ISY1: variants seen among roughly 807,000 people sequenced by gnomAD.
ISY1 encodes pre-mRNA-splicing factor ISY1 homolog.
ISY1 carries 12 observed loss-of-function variants against 54.4 expected under a neutral mutation model. The observed-to-expected ratio is 0.22, with a 90% CI of 0.14 to 0.36. ISY1 has a LOEUF of 0.36. ISY1 is among the 10% of genes least tolerant of loss of function. The pLI is 1.00. For missense variants in ISY1, 282 were observed against 342.2 expected, an observed-to-expected ratio of 0.82 and a Z score of 1.39; for synonymous variants, 96 against 117.9, an observed-to-expected ratio of 0.81 and a Z score of 1.20.
At chr3:129,145,367 C>T (rs1294921870) in intron 6 of ISY1, among the ~76,000 whole-genome samples, 2 of 152,084 alleles carry the variant, frequency 1.3e-5, no homozygotes, top group African/African-American at 4.8e-5. Flanking sequence ...GGATTACAGG[C>T]GTGCACCACC....
At chr3:129,158,734 T>C (rs1937217213) in intron 2 of ISY1, among the ~76,000 whole-genome samples, 175 bp from the exon 3 acceptor site, 1 of 152,098 alleles carries the variant, frequency 6.6e-6, no homozygotes. Context: ...TTCTCAGGAG[T>C]AGGAATTATG....
At chr3:129,146,531 G>GAGGT (rs1353286245) in intron 5 of ISY1, among the ~76,000 whole-genome samples, 1 of 152,116 alleles carries the variant, frequency 6.6e-6, no homozygotes, top group Non-Finnish European at 1.5e-5. Flanking sequence ...AGGCCTTCAT[G>GAGGT]AGGTAATGCT....
At chr3:129,132,738 G>T (rs551199775) in intron 9 of ISY1, among the ~76,000 whole-genome samples, 1 of 152,188 alleles carries the variant, frequency 6.6e-6, no homozygotes, top group African/African-American at 2.4e-5. Flanking sequence ...AATGCGGCTG[G>T]CTCACAGGAG....
At chr3:129,160,120 G>C (rs976472152) in intron 1 of ISY1, among the ~76,000 whole-genome samples, 3 of 151,892 alleles carry the variant, frequency 2.0e-5, no homozygotes, top group African/African-American at 7.3e-5. Context: ...CCGCCTCCCG[G>C]GTTCACGCCA....
chr3:129,132,631 T>C (rs986122199), intron 9 of ISY1, among the ~76,000 whole-genome samples: 1 of 152,200 alleles, frequency 6.6e-6, no homozygotes, highest in African/African-American at 2.4e-5. Flanking sequence ...CAGGCTCTAT[T>C]GAGGGACTGT....
At chr3:129,131,261 ATACC>A (rs1260841247) in intron 9 of ISY1, among the ~76,000 whole-genome samples, 1 of 152,146 alleles carries the variant, frequency 6.6e-6, no homozygotes, top group African/African-American at 2.4e-5. Flanking sequence ...CACTAAACAC[ATACC>A]TACCCTGATC....
At chr3:129,138,394 G>C (rs1206283391) in intron 7 of ISY1, among the ~76,000 whole-genome samples, 2 of 151,734 alleles carry the variant, frequency 1.3e-5, no homozygotes, top group Non-Finnish European at 2.9e-5. Flanking sequence ...CCAGCACTTT[G>C]GGAAGCTGAG....
chr3:129,150,958 C>T (rs1936947986), intron 5 of ISY1, among the ~76,000 whole-genome samples: 1 of 150,906 alleles, frequency 6.6e-6, no homozygotes, highest in Admixed American at 6.6e-5. Flanking sequence ...AACTCTGTCT[C>T]TACTAAAAAT....
intron 9 of ISY1, among the ~76,000 whole-genome samples, chr3:129,133,454 G>A (rs1359768607): frequency 1.3e-5 from 2 of 152,222 alleles, no homozygotes; most frequent in African/African-American, 2.4e-5. Flanking sequence ...CCAGCACTTT[G>A]GGAGGCCAAG....
intron 5 of ISY1, among the ~76,000 whole-genome samples, chr3:129,155,458 T>A (rs1289790884): frequency 6.6e-6 from 1 of 152,050 alleles, no homozygotes; most frequent in African/African-American, 2.4e-5. Context: ...CCTCCCAAAG[T>A]GCTGGGATTA....
chr3:129,147,435 T>C (rs1449950409), intron 5 of ISY1, among the ~76,000 whole-genome samples: 2 of 152,008 alleles, frequency 1.3e-5, no homozygotes, highest in Non-Finnish European at 2.9e-5. Context: ...CGTTCTGTTC[T>C]ATTAAGAAAG....
intron 1 of ISY1, among the ~76,000 whole-genome samples, chr3:129,160,023 CTACT>C (rs1335058925): frequency 1.3e-5 from 2 of 152,002 alleles, no homozygotes; most frequent in African/African-American, 4.8e-5. Flanking sequence ...GAAACGGCTA[CTACT>C]TTTTTTTTTT....
intron 7 of ISY1, 142 bp from the exon 8 acceptor site, chr3:129,135,096 C>T (rs957190837): frequency 8.3e-7 from 1 of 1,203,500 alleles, no homozygotes; most frequent in Non-Finnish European, 1.1e-6. Context: ...TGCTTGTAAT[C>T]CTAGCGCTTT....
At chr3:129,135,280 T>C (rs367561813) in intron 7 of ISY1, among the ~76,000 whole-genome samples, 7 of 150,356 alleles carry the variant, frequency 4.7e-5, no homozygotes, top group African/African-American at 1.7e-4. Context: ...GGAGGCAGAG[T>C]TTGCAGTGAG....
intron 7 of ISY1, among the ~76,000 whole-genome samples, chr3:129,136,367 G>T (rs745399196): frequency 1.5e-4 from 23 of 152,126 alleles, no homozygotes; most frequent in Non-Finnish European, 1.9e-4. Context: ...TTCCCAAAGT[G>T]CTAAGATTAT....
Position 129,159,262 on chromosome 3 carries a change from A to G in ISY1, c.4-86T>C, listed in dbSNP as rs1436649824. ...TTTACTTTTTAGTGAAAAGTTTTAC[A>G]AGAATACAATCACAAGCAAACCACT... On this transcript the variant is annotated intron_variant, in intron 1 of 10. Coordinates refer to ENST00000393295, the MANE Select transcript of ISY1 (RefSeq NM_020701.4). 1.3e-5 allele frequency: 20 copies of G among 1,542,238 alleles called. No homozygotes were observed. The Admixed American group carries it at 3.9e-4, about 30-fold the overall frequency.
rs1226058619 is a variant in ISY1, at chr3:129,129,409, C to CT, written c.*671dup. The CT allele has an allele frequency of 1.3e-5, 2 of 148,728 alleles. No individual in the cohort carries two copies. The highest frequency in any genetic ancestry group is 6.7e-5 in the Admixed American group (1 of 14,932). The allele number at this position is 148,728 out of a possible 1,614,324, so 9.2% of individuals were successfully genotyped here. On this transcript the variant is annotated 3_prime_UTR_variant, in exon 11 of 11. Coordinates refer to ENST00000393295, the MANE Select transcript of ISY1 (RefSeq NM_020701.4). ...TTTTTTTTTGGGACAGAGTCTCACT[C>CT]TGTCGCCAGGCTGGAGTGCAATGGC... is the stretch of plus-strand genomic sequence containing the variant.
chr3:129,136,448 G>A (rs1041399404), intron 7 of ISY1, among the ~76,000 whole-genome samples: 2 of 152,004 alleles, frequency 1.3e-5, no homozygotes, highest in East Asian at 3.9e-4. Context: ...AACCAGATTG[G>A]TGAAAGAATA....
intron 5 of ISY1, among the ~76,000 whole-genome samples, chr3:129,149,180 C>T (rs888119276): frequency 3.3e-5 from 5 of 151,690 alleles, no homozygotes; most frequent in African/African-American, 9.7e-5. Flanking sequence ...ACCTGTAATC[C>T]CAGCACTTTG....
Sources: allele counts gnomAD v4.1 joint callset (sites outside exome capture counted in the v4.1 genomes callset), GRCh38; gene constraint gnomAD v4.1.1; transcripts MANE v1.5; gene names NCBI Gene and HGNC (gene_info 2026-07-23, HGNC 2026-07-21).